The following HUWE1 variants were observed in gnomAD, a reference collection of about 807,000 sequenced individuals.
The protein encoded by HUWE1 is HECT, UBA and WWE domain containing E3 ubiquitin protein ligase 1, also known as E3 ubiquitin-protein ligase HUWE1.
In HUWE1, 18 loss-of-function variants were observed where a neutral mutation model predicts 299.4. The ratio of observed to expected loss-of-function variants is 0.06; its 90% CI spans 0.04 to 0.09. The LOEUF (loss-of-function observed/expected upper bound fraction) is 0.09, where lower values mean the gene tolerates loss of function less well. HUWE1 is among the 10% of genes least tolerant of loss of function. The pLI is 1.00. For synonymous variants in HUWE1, 1,317 were observed against 1,286.1 expected, an observed-to-expected ratio of 1.02 and a Z score of -0.51; for missense variants, 1,832 against 3,462.3, an observed-to-expected ratio of 0.53 and a Z score of 11.82.
At chrX:53,626,568 A>G (rs1443971598) in intron 17 of HUWE1, among the ~76,000 whole-genome samples, 2 of 111,719 alleles carry the variant, frequency 1.8e-5, no homozygotes, top group African/African-American at 6.5e-5. Flanking sequence ...GAATATGCAT[A>G]AAAAAGCCTG....
intron 19 of HUWE1, among the ~76,000 whole-genome samples, chrX:53,623,235 T>C (rs1408395712): frequency 9.0e-6 from 1 of 111,560 alleles, no homozygotes; most frequent in East Asian, 2.8e-4. Context: ...CTCCTTCTTC[T>C]AAGCTTCCCA....
At chrX:53,556,617 G>A (rs1224408730) in intron 60 of HUWE1, among the ~76,000 whole-genome samples, 1 of 111,624 alleles carries the variant, frequency 9.0e-6, no homozygotes, top group African/African-American at 3.3e-5. Context: ...TTGTTAAGAA[G>A]ATCAGAGGGA....
In HUWE1 at chrX:53,543,978, A is replaced by G. The variant is rs1556920694; in HGVS notation, c.11252-10T>C. ...CCTAAACCGGAGGAACCTGGGAGAA[A>G]GAGAAAGAGGAAGGCAAGATATAAA... On this transcript the variant is annotated splice_polypyrimidine_tract_variant and intron_variant, in intron 72 of 83. Transcript: ENST00000262854. 5 of 1,189,594 alleles carry G rather than the reference A, an allele frequency of 4.2e-6. No homozygotes were observed. Among genetic ancestry groups the G allele is most frequent in the Non-Finnish European group, 5.7e-6 (5 of 880,173 alleles).
intron 33 of HUWE1, among the ~76,000 whole-genome samples, chrX:53,591,998 C>A (rs1022436037): frequency 3.6e-5 from 4 of 111,873 alleles, no homozygotes; most frequent in African/African-American, 1.3e-4. Flanking sequence ...TTTAAAATGC[C>A]CCTTATACAT....
Position 53,591,122 on chromosome X carries a change from G to A in HUWE1, c.3973C>T (p.Leu1325Phe). 8.3e-7 allele frequency: 1 copy of A among 1,209,203 alleles called. No individual in the cohort carries two copies. Among genetic ancestry groups the A allele is most frequent in the Non-Finnish European group, 1.1e-6 (1 of 894,161 alleles). Reference sequence around the variant, plus strand: ...TCCCTTGTGAAGCCCATGTCCATGAGCTACATAAAGAATGCAAGGGCTCAG... The same window carrying A: ...TCCCTTGTGAAGCCCATGTCCATGAACTACATAAAGAATGCAAGGGCTCAG... ...PQVNQQQLQQ[L>F]MDMGFTREHA... The change falls in exon 34 of 84, where the codon CTC becomes TTC. Residue 1325 changes from leucine to phenylalanine, a missense_variant and splice_region_variant. Leu to Phe is a conservative substitution (Grantham distance 22, BLOSUM62 0). Coordinates refer to ENST00000262854, the MANE Select transcript of HUWE1 (RefSeq NM_031407.7).
At chrX:53,626,328 A>T (rs1557017750) in intron 17 of HUWE1, among the ~76,000 whole-genome samples, 1 of 109,734 alleles carries the variant, frequency 9.1e-6, no homozygotes, top group Non-Finnish European at 1.9e-5. Flanking sequence ...GAGAGTGGTA[A>T]GTAAAATGTG....
At chrX:53,578,348 G>C (rs1417124618) in intron 43 of HUWE1, among the ~76,000 whole-genome samples, 5 of 105,452 alleles carry the variant, frequency 4.7e-5, no homozygotes, top group Admixed American at 2.9e-4. Flanking sequence ...CGTCTGGGAG[G>C]GAGGTGGGGG....
chrX:53,574,004 G>C (rs781826131), intron 46 of HUWE1, 40 bp from the exon 47 acceptor site: 2 of 1,086,562 alleles, frequency 1.8e-6, no homozygotes, highest in Middle Eastern at 3.4e-4. Context: ...TTCCACACTG[G>C]AACACTGGCA....
intron 74 of HUWE1, 98 bp from the exon 75 acceptor site, chrX:53,539,910 A>G: frequency 2.4e-6 from 2 of 845,023 alleles, no homozygotes; most frequent in Non-Finnish European, 3.3e-6. Context: ...CAGAACAAGT[A>G]GAGGGGACCA....
intron 3 of HUWE1, among the ~76,000 whole-genome samples, chrX:53,679,246 G>A (rs2069998522): frequency 9.0e-6 from 1 of 110,895 alleles, no homozygotes; most frequent in African/African-American, 3.3e-5. Flanking sequence ...TGCAATAAAT[G>A]TGCTTTCTCA....
intron 47 of HUWE1, 68 bp from the exon 48 acceptor site, chrX:53,569,895 A>C (rs2062741189): frequency 2.2e-6 from 2 of 889,282 alleles, no homozygotes; most frequent in Admixed American, 4.8e-5. Context: ...CACAGGACCA[A>C]AGATACACAC....
rs1447442838 is a variant in HUWE1, at chrX:53,532,195, T to C, written c.*1114A>G. On this transcript the variant is annotated 3_prime_UTR_variant, in exon 84 of 84. Transcript: ENST00000262854. ...GATCAGCTTTAAGCACTGGATGGAG[T>C]AAAAACCACAAGGGACTACAAGGTG... is the stretch of plus-strand genomic sequence containing the variant. The C allele has an allele frequency of 9.0e-6, 1 of 110,655 alleles. No individual in the cohort carries two copies. The highest frequency in any genetic ancestry group is 3.3e-5 in the African/African-American group (1 of 30,360). 9.1% of individuals were successfully genotyped at this position (110,655 alleles called of 1,213,427 possible).
intron 47 of HUWE1, among the ~76,000 whole-genome samples, chrX:53,572,518 A>T (rs781815907): frequency 3.3e-4 from 37 of 112,245 alleles, no homozygotes; most frequent in African/African-American, 1.1e-3. Context: ...TTTGCCACTT[A>T]CTAACCATAA....
intron 26 of HUWE1, among the ~76,000 whole-genome samples, chrX:53,604,294 T>A (rs1432460315): frequency 8.9e-6 from 1 of 112,082 alleles, no homozygotes; most frequent in African/African-American, 3.2e-5. Context: ...CATCCCATTA[T>A]CAGACCTATA....
intron 3 of HUWE1, among the ~76,000 whole-genome samples, chrX:53,656,212 A>G (rs1448546902): frequency 9.1e-6 from 1 of 109,765 alleles, no homozygotes; most frequent in African/African-American, 3.3e-5. Context: ...CGTCTCTACT[A>G]AAAATACAAA....
chrX:53,617,186 G>C (rs893269271), intron 20 of HUWE1, 39 bp from the exon 21 acceptor site: 78 of 1,144,731 alleles, frequency 6.8e-5, no homozygotes, highest in Non-Finnish European at 8.9e-5. Flanking sequence ...GCATCTAAAA[G>C]AGTGTAGATG....
intron 76 of HUWE1, 113 bp from the exon 77 acceptor site, chrX:53,538,567 A>G (rs1165251661): frequency 3.3e-6 from 2 of 604,215 alleles, no homozygotes; most frequent in Admixed American, 5.3e-5. Flanking sequence ...TCAGGGCTCT[A>G]AAAGGACTAG....
At chrX:53,554,597 T>C in intron 61 of HUWE1, 36 bp downstream of exon 61, 1 of 1,185,550 alleles carries the variant, frequency 8.4e-7, no homozygotes, top group East Asian at 3.0e-5. Context: ...TCTTCCCTCT[T>C]GTTTCATCCT....
chrX:53,545,230 T>G, intron 70 of HUWE1, 69 bp from the exon 71 acceptor site: 1 of 1,048,479 alleles, frequency 9.5e-7, no homozygotes, highest in Non-Finnish European at 1.3e-6. Flanking sequence ...GCCAAATCTC[T>G]CTAAGACACC....
Sources: gnomAD v4.1 joint callset for allele counts (sites outside exome capture counted in the v4.1 genomes callset) on GRCh38, gnomAD v4.1.1 for gene constraint, MANE v1.5 for transcripts, NCBI Gene and HGNC (gene_info 2026-07-23, HGNC 2026-07-21) for gene names.